Variants in LY86 observed in about 807,000 individuals in gnomAD.
LY86 encodes the protein MD-1, RP105-associated.
LY86 carries 20 observed loss-of-function variants against 17.3 expected under a neutral mutation model. The ratio of observed to expected loss-of-function variants is 1.15; its 90% confidence interval spans 0.81 to 1.68. LY86 has a LOEUF of 1.68. Among genes scored for constraint, LY86 ranks in the 40% most tolerant of loss-of-function variants. LY86 has a pLI of 0.00. For synonymous variants in LY86, 74 were observed against 70.6 expected (o/e 1.05, Z -0.24); for missense variants, 200 against 191.9 (o/e 1.04, Z -0.25).
chr6:6,597,963 G>A (rs1206853986), intron 1 of LY86, among the ~76,000 whole-genome samples: 1 of 152,240 alleles, frequency 6.6e-6, no homozygotes, highest in East Asian at 1.9e-4. Flanking sequence ...ATCTAGAACA[G>A]AATTATCAGG....
At chr6:6,653,698 G>A (rs560664016) in intron 4 of LY86, among the ~76,000 whole-genome samples, 1 of 152,320 alleles carries the variant, frequency 6.6e-6, no homozygotes, top group African/African-American at 2.4e-5. Flanking sequence ...GCTCCCCGGG[G>A]TCTTCTCTGT....
chr6:6,614,522 C>G (rs566571745), intron 1 of LY86, among the ~76,000 whole-genome samples: 1 of 152,264 alleles, frequency 6.6e-6, no homozygotes, highest in African/African-American at 2.4e-5. Flanking sequence ...TCTCCCAGCC[C>G]CACGCCGCCC....
In LY86 at chr6:6,652,055, CAAAAAAAAAAA is replaced by C. The variant is rs61606490; in HGVS notation, c.405+2394_405+2404del. ...TGTGCAACAGAGGAAGACTCCATCT[CAAAAAAAAAAA>C]AAAAAAAAAAAAAAAGGAAAAAGGT... is the stretch of plus-strand genomic sequence containing the variant. On this transcript the variant is annotated intron_variant, in intron 4 of 4. Coordinates refer to ENST00000230568, the MANE Select transcript of LY86 (RefSeq NM_004271.4). Among the ~76,000 whole-genome samples, 5 of 59,302 alleles carry C rather than the reference CAAAAAAAAAAA, an allele frequency of 8.4e-5. No homozygotes were observed. In the East Asian group the frequency reaches 2.7e-3, roughly 32 times the overall value. The allele number at this position is 59,302 out of a possible 152,430, so 38.9% of individuals were successfully genotyped here. A position where few individuals can be genotyped will look rare whatever the true frequency, so the allele number is the denominator to read the frequency against.
chr6:6,617,531 A>G (rs1314960069), intron 1 of LY86, among the ~76,000 whole-genome samples: 3 of 152,222 alleles, frequency 2.0e-5, no homozygotes, highest in African/African-American at 7.2e-5. Context: ...ATTATTCAGT[A>G]GTGTGTTATC....
In LY86 at chr6:6,624,974, T is replaced by A; in HGVS notation, c.185T>A (p.Leu62Ter). ...TCTGTTGAAAAGTGTTCCAAGCAAT[T>A]AAAATCAAATATCAACATTAGATTT... ...GFSVEKCSKQ[L>*]KSNINIRFGI... is the part of the protein sequence containing the mutation. Residue 62 changes from leucine to a stop codon, truncating the protein, a stop_gained, in exon 2 of 5, where the codon TTA (leucine) becomes TAA (stop). Transcript: ENST00000230568. LOFTEE classifies it high-confidence loss of function. 1 of 1,557,136 alleles carries A rather than the reference T, an allele frequency of 6.4e-7. No homozygotes were observed. Among genetic ancestry groups the A allele is most frequent in the South Asian group, 1.2e-5 (1 of 86,770 alleles).
intron 1 of LY86, among the ~76,000 whole-genome samples, chr6:6,595,418 AAGAAG>A (rs1389314797): frequency 1.5e-5 from 2 of 137,910 alleles, no homozygotes; most frequent in African/African-American, 5.3e-5. Context: ...AAAGGGGAGA[AAGAAG>A]AGAAGGGGGA....
intron 1 of LY86, among the ~76,000 whole-genome samples, chr6:6,611,537 T>C (rs1031951120): frequency 5.3e-5 from 8 of 152,212 alleles, no homozygotes; most frequent in African/African-American, 1.9e-4. Flanking sequence ...TTTGGAAATA[T>C]ATAGGAATAT....
At chr6:6,608,946 C>T (rs1214541582) in intron 1 of LY86, among the ~76,000 whole-genome samples, 3 of 152,202 alleles carry the variant, frequency 2.0e-5, no homozygotes, top group Admixed American at 6.5e-5. Flanking sequence ...CTTTTTATAT[C>T]TTTAGCAAAA....
chr6:6,593,268 G>C (rs1480231442), intron 1 of LY86, among the ~76,000 whole-genome samples: 1 of 152,230 alleles, frequency 6.6e-6, no homozygotes, highest in Non-Finnish European at 1.5e-5. Context: ...AAAGCTGACA[G>C]TGTAGCATCT....
chr6:6,625,068 C>A, intron 2 of LY86, 56 bp downstream of exon 2: 7 of 756,850 alleles, frequency 9.2e-6, no homozygotes, highest in Non-Finnish European at 1.6e-5. Flanking sequence ...TCTTCCAACT[C>A]CACACACCCA....
intron 1 of LY86, among the ~76,000 whole-genome samples, chr6:6,607,767 G>C (rs2113108721): frequency 6.6e-6 from 1 of 151,990 alleles, no homozygotes. Flanking sequence ...GGGCGTAGTG[G>C]CGGGTGCCTG....
chr6:6,605,838 A>G (rs924075504), intron 1 of LY86, among the ~76,000 whole-genome samples: 4 of 151,902 alleles, frequency 2.6e-5, no homozygotes, highest in Admixed American at 6.6e-5. Context: ...TTCCCGGTGA[A>G]TGTTACAGCT....
chr6:6,623,065 T>A (rs1272482543), intron 1 of LY86, among the ~76,000 whole-genome samples: 2 of 152,230 alleles, frequency 1.3e-5, no homozygotes, highest in African/African-American at 2.4e-5. Flanking sequence ...TCTCTTCAGA[T>A]TATTGTTTAT....
At chr6:6,649,245 C>T (rs2113165276) in intron 3 of LY86, among the ~76,000 whole-genome samples, 1 of 152,318 alleles carries the variant, frequency 6.6e-6, no homozygotes, top group South Asian at 2.1e-4. Context: ...GTAAAATCCA[C>T]CCCCATGATT....
intron 1 of LY86, among the ~76,000 whole-genome samples, chr6:6,613,760 C>T (rs1207527186): frequency 6.6e-6 from 1 of 152,240 alleles, no homozygotes; most frequent in African/African-American, 2.4e-5. Flanking sequence ...GCCGAGGAGG[C>T]CCCAAGAGCG....
At chr6:6,641,620 A>G (rs1762041284) in intron 3 of LY86, among the ~76,000 whole-genome samples, 1 of 152,250 alleles carries the variant, frequency 6.6e-6, no homozygotes, top group Non-Finnish European at 1.5e-5. Flanking sequence ...GTTCCAGGGC[A>G]TTCGGGTACC....
chr6:6,639,170 A>AT (rs1201834724), intron 3 of LY86, among the ~76,000 whole-genome samples: 1 of 151,656 alleles, frequency 6.6e-6, no homozygotes, highest in African/African-American at 2.4e-5. Flanking sequence ...GCTCTAAAGT[A>AT]TTTTTAACAG....
At chr6:6,652,329 A>G (rs1762200388) in intron 4 of LY86, among the ~76,000 whole-genome samples, 2 of 152,128 alleles carry the variant, frequency 1.3e-5, no homozygotes, top group Admixed American at 1.3e-4. Context: ...TATGGAACAG[A>G]CACAGTTCAA....
At chr6:6,621,848 G>T (rs565295473) in intron 1 of LY86, among the ~76,000 whole-genome samples, 1 of 152,272 alleles carries the variant, frequency 6.6e-6, no homozygotes, top group African/African-American at 2.4e-5. Context: ...GCAGTATCTA[G>T]TGGAGGAATG....
Sources: allele counts gnomAD v4.1 joint callset (sites outside exome capture counted in the v4.1 genomes callset), GRCh38; gene constraint gnomAD v4.1.1; transcripts MANE v1.5; gene names NCBI Gene and HGNC (gene_info 2026-07-23, HGNC 2026-07-21).